SPACA3: variants seen among roughly 807,000 people sequenced by gnomAD.
SPACA3 encodes the protein sperm acrosome associated 3.
SPACA3 carries 21 observed loss-of-function variants against 24.5 expected under a neutral mutation model. The observed-to-expected ratio is 0.86, with a 90% CI of 0.61 to 1.24. The LOEUF (loss-of-function observed/expected upper bound fraction) is 1.24. Among genes scored for constraint, SPACA3 ranks in the 50% most tolerant of loss-of-function variants. The pLI is 0.00. For synonymous variants in SPACA3, 115 were observed against 106.9 expected (o/e 1.08, Z -0.47); for missense variants, 278 against 275.5 (o/e 1.01, Z -0.06).
rs919220294 is a variant in SPACA3, at chr17:32,995,516, A to C, written c.142A>C (p.Thr48Pro). Residue 48 changes from threonine to proline, a missense_variant, in exon 2 of 5, where the codon ACC becomes CCC. Thr to Pro is a conservative substitution (Grantham distance 38, BLOSUM62 -1). Transcript: ENST00000269053. ...SALSQSGGGS[T>P]SAAGIEARSR... ...TCTGAGCCAGAGTGGTGGTGGCTCC[A>C]CCTCTGCCGCCGGCATAGAAGCCAG... The C allele has an allele frequency of 6.2e-7, 1 of 1,613,998 alleles. No individual in the cohort carries two copies. Among genetic ancestry groups the C allele is most frequent in the Non-Finnish European group, 8.5e-7 (1 of 1,180,000 alleles).
At chr17:32,992,107 A>AGG in intron 1 of SPACA3, 135 bp downstream of exon 1, 1 of 770,504 alleles carries the variant, frequency 1.3e-6, no homozygotes, top group Non-Finnish European at 2.0e-6. Flanking sequence ...CAGCTGAGAG[A>AGG]GGAGAGAGAG....
chr17:32,993,687 A>G (rs1394212699), intron 1 of SPACA3, among the ~76,000 whole-genome samples: 1 of 150,752 alleles, frequency 6.6e-6, no homozygotes, highest in East Asian at 1.9e-4. Flanking sequence ...CGGGAGGGAG[A>G]AAGTGGCGAT....
chr17:32,993,745 A>G (rs960422037), intron 1 of SPACA3, among the ~76,000 whole-genome samples: 4 of 152,050 alleles, frequency 2.6e-5, no homozygotes, highest in Non-Finnish European at 5.9e-5. Flanking sequence ...ACAAGGGAGT[A>G]GCAGTCAGCA....
chr17:32,997,101 T>C, intron 3 of SPACA3, 100 bp downstream of exon 3: 3 of 1,336,662 alleles, frequency 2.2e-6, no homozygotes, highest in Non-Finnish European at 3.0e-6. Context: ...GAGTGAGGGT[T>C]CCCCCACATC....
intron 2 of SPACA3, among the ~76,000 whole-genome samples, chr17:32,996,554 A>C (rs1289887971): frequency 6.6e-6 from 1 of 151,792 alleles, no homozygotes; most frequent in Non-Finnish European, 1.5e-5. Context: ...GGGCCCTACT[A>C]TGTGCTGAAC....
Position 32,991,880 on chromosome 17 carries a change from G to C in SPACA3, c.-59G>C. Reference sequence around the variant, plus strand: ...GTGCCTGGGGCCCTGGCAAGGTTGTGGGGGACATCTTGAGCTGAAGCAGGG... The same window carrying C: ...GTGCCTGGGGCCCTGGCAAGGTTGTCGGGGACATCTTGAGCTGAAGCAGGG... On this transcript the variant is annotated 5_prime_UTR_variant, in exon 1 of 5. Transcript: ENST00000269053. 2 of 1,612,896 alleles carry C rather than the reference G, an allele frequency of 1.2e-6. No homozygotes were observed. Among genetic ancestry groups the C allele is most frequent in the Non-Finnish European group, 8.5e-7 (1 of 1,179,136 alleles).
At chr17:32,993,014 C>T (rs1342444259) in intron 1 of SPACA3, 1 of 459,422 alleles carries the variant, frequency 2.2e-6, no homozygotes, top group African/African-American at 2.0e-5. Context: ...AGGTGTGAAC[C>T]TAGGAAAGGA....
intron 1 of SPACA3, among the ~76,000 whole-genome samples, chr17:32,993,790 C>A (rs2091706086): frequency 6.6e-6 from 1 of 151,928 alleles, no homozygotes; most frequent in Non-Finnish European, 1.5e-5. Context: ...AAGATGGAGA[C>A]TGAGAAAGTC....
rs757278185 is a variant in SPACA3, at chr17:32,997,738, GA to G, written c.612del (p.Asp205ThrfsTer30). ...YWEAWRHHCQ[G>X]KDLTEWVDGC... ...GAGGCCTGGAGGCATCACTGCCAGG[GA>G]AAAGACCTCACTGAATGGGTGGATG... On this transcript the variant is annotated frameshift_variant, in exon 5 of 5. Transcript: ENST00000269053. LOFTEE classifies it high-confidence loss of function. 14 of 1,614,086 alleles carry G rather than the reference GA, an allele frequency of 8.7e-6. No homozygotes were observed. In the African/African-American group the frequency reaches 1.1e-4, roughly 12 times the overall value.
At chr17:32,993,416 T>G (rs1229220942) in intron 1 of SPACA3, among the ~76,000 whole-genome samples, 4 of 152,060 alleles carry the variant, frequency 2.6e-5, no homozygotes, top group Admixed American at 2.6e-4. Context: ...TTAGAAAGCA[T>G]ATCAGCGTTT....
intron 2 of SPACA3, 84 bp downstream of exon 2, chr17:32,995,801 C>T: frequency 1.4e-6 from 2 of 1,462,912 alleles, no homozygotes; most frequent in Non-Finnish European, 1.8e-6. Context: ...CATTCAAGGG[C>T]TGTGGCTTCG....
In SPACA3 at chr17:32,993,991, T is replaced by C. The variant is rs2151127864; in HGVS notation, c.35-1418T>C. On this transcript the variant is annotated intron_variant, in intron 1 of 4. Coordinates refer to ENST00000269053, the MANE Select transcript of SPACA3 (RefSeq NM_173847.5). The stretch of plus-strand genomic sequence containing the variant: ...GTGGAGATGAGGGCGAGGAGGCTAC[T>C]GATGAGTTTGCAAGTGAGCAGGGCT... 2.0e-5 allele frequency among the ~76,000 whole-genome samples: 3 copies of C among 152,122 alleles called. No individual in the cohort carries two copies. The South Asian group carries it at 6.2e-4, about 32-fold the overall frequency.
chr17:32,996,967 G>C lies in SPACA3; in HGVS notation c.468G>C (p.Pro156=). 1.9e-6 allele frequency: 3 copies of C among 1,591,930 alleles called. No individual in the cohort carries two copies. The highest frequency in any genetic ancestry group is 2.6e-6 in the Non-Finnish European group (3 of 1,168,964). Residue 156 remains proline, a synonymous_variant, in exon 3 of 5, where the codon CCG becomes CCC. Transcript: ENST00000269053. ...NSRRWCSNLT[P]NVPNVCRMYC... is the part of the protein sequence containing the mutation. ...GGAGGTGGTGCAGCAACCTCACCCC[G>C]AACGTCCCCAACGTGTGCCGGATGT... is the stretch of plus-strand genomic sequence containing the variant.
At chr17:32,992,763 G>C in intron 1 of SPACA3, 2 of 403,636 alleles carry the variant, frequency 5.0e-6, no homozygotes, top group Non-Finnish European at 9.9e-6. Context: ...GTCATTGTGA[G>C]AGAACAAGGT....
chr17:32,995,509 T>A lies in SPACA3; in HGVS notation c.135T>A (p.Gly45=). The part of the protein sequence containing the change: ...SQSSALSQSG[G]GSTSAAGIEA... ...GCTCAGCTCTGAGCCAGAGTGGTGG[T>A]GGCTCCACCTCTGCCGCCGGCATAG... is the stretch of plus-strand genomic sequence containing the variant. The change falls in exon 2 of 5, where the codon GGT becomes GGA. Residue 45 remains glycine, a synonymous_variant. Coordinates refer to ENST00000269053, the MANE Select transcript of SPACA3 (RefSeq NM_173847.5). 6.2e-7 allele frequency: 1 copy of A among 1,614,208 alleles called. No individual in the cohort carries two copies. The highest frequency in any genetic ancestry group is 1.1e-5 in the South Asian group (1 of 91,084).
intron 4 of SPACA3, 32 bp from the exon 5 acceptor site, chr17:32,997,680 T>C (rs745794002): frequency 1.9e-6 from 3 of 1,610,836 alleles, no homozygotes; most frequent in Non-Finnish European, 1.7e-6. Context: ...CAGCTGATAT[T>C]ATCTCTCCTC....
chr17:32,996,215 C>G (rs1054550890), intron 2 of SPACA3, among the ~76,000 whole-genome samples: 1 of 152,116 alleles, frequency 6.6e-6, no homozygotes, highest in Non-Finnish European at 1.5e-5. Flanking sequence ...AGGCTGGGTG[C>G]AGTGGCTCAG....
At position 32,997,104 on chromosome 17, in the gene SPACA3, C is replaced by T. The variant is rs576814414; in HGVS notation, c.502+103C>T. ...ACCCCCATCTCTGAGTGAGGGTTCC[C>T]CCACATCAGGCTGGGCCCACGGAGG... On this transcript the variant is annotated intron_variant, in intron 3 of 4. Transcript: ENST00000269053. The T allele has an allele frequency of 3.7e-5, 49 of 1,336,946 alleles. No homozygotes were observed. The East Asian group carries it at 1.1e-3, about 30-fold the overall frequency. 82.8% of individuals were successfully genotyped at this position (1,336,946 alleles called of 1,614,324 possible). A position where few individuals can be genotyped will look rare whatever the true frequency, so the allele number is the denominator to read the frequency against.
At chr17:32,997,064 C>T (rs902210901) in intron 3 of SPACA3, 63 bp downstream of exon 3, 2 of 1,465,954 alleles carry the variant, frequency 1.4e-6, no homozygotes, top group African/African-American at 1.4e-5. Flanking sequence ...TGTTCCATTC[C>T]CAGTTTAGTT....
Sources: gnomAD v4.1 joint callset for allele counts (sites outside exome capture counted in the v4.1 genomes callset) on GRCh38, gnomAD v4.1.1 for gene constraint, MANE v1.5 for transcripts, NCBI Gene and HGNC (gene_info 2026-07-23, HGNC 2026-07-21) for gene names.